The following TANGO2 variants were observed in gnomAD, a reference collection of about 807,000 sequenced individuals.
The protein encoded by TANGO2 is transport and Golgi organization protein 2 homolog.
A neutral mutation model predicts 39.1 loss-of-function variants in TANGO2; 26 were observed. The ratio of observed to expected loss-of-function variants is 0.67; its 90% CI spans 0.49 to 0.92. The LOEUF (loss-of-function observed/expected upper bound fraction) is 0.92, where lower values mean the gene tolerates loss of function less well. Among genes scored for constraint, TANGO2 ranks in the 40% least tolerant of loss-of-function variants. The pLI, the probability that TANGO2 is intolerant of heterozygous loss-of-function variation, is 0.00. For synonymous variants in TANGO2, 131 were observed against 144.5 expected, an observed-to-expected ratio of 0.91 and a Z score of 0.67; for missense variants, 326 against 360.1, an observed-to-expected ratio of 0.91 and a Z score of 0.77.
At chr22:20,059,405 A>G (rs943561641) in intron 6 of TANGO2, among the ~76,000 whole-genome samples, 4 of 152,212 alleles carry the variant, frequency 2.6e-5, no homozygotes, top group Non-Finnish European at 4.4e-5. Flanking sequence ...ATACGTAGGA[A>G]TGGAGTTGTT....
rs2048999655 is a variant in TANGO2 at position 20,064,727 on chromosome 22, G to A, written c.*65G>A. 1 of 1,593,976 alleles carries A rather than the reference G, an allele frequency of 6.3e-7. No homozygotes were observed. The highest frequency in any genetic ancestry group is 1.3e-5 in the African/African-American group (1 of 74,334). On this transcript the variant is annotated 3_prime_UTR_variant, in exon 9 of 9. Coordinates refer to ENST00000327374, the MANE Select transcript of TANGO2 (RefSeq NM_152906.7). ...CTGCCTTGAGGGGCACTGTGGACAGGAAACCTTCCTTTGCCATACTGCATT... is the reference window on the plus strand; with the variant it reads ...CTGCCTTGAGGGGCACTGTGGACAGAAAACCTTCCTTTGCCATACTGCATT...
At position 20,027,890 on chromosome 22, in the gene TANGO2, C is replaced by T. The variant is rs536956212; in HGVS notation, c.-40+6644C>T. Among the ~76,000 whole-genome samples, 5 of 152,348 alleles carry T rather than the reference C, an allele frequency of 3.3e-5. No homozygotes were observed. The East Asian group carries it at 9.6e-4, about 29-fold the overall frequency. ...CTCGGTTCACGGCGCCCTCCGGCTCCTGGGTTCAAGTGATCCTCCTGCCTC... is the reference window on the plus strand; with the variant it reads ...CTCGGTTCACGGCGCCCTCCGGCTCTTGGGTTCAAGTGATCCTCCTGCCTC... On this transcript the variant is annotated intron_variant, in intron 1 of 8. Coordinates refer to ENST00000327374, the MANE Select transcript of TANGO2 (RefSeq NM_152906.7).
In TANGO2 at chr22:20,066,654, A is replaced by G. The variant is rs73389755; in HGVS notation, c.*1992A>G. 0.1 allele frequency among the ~76,000 whole-genome samples: 15,773 copies of G among 152,086 alleles called. 1,587 individuals are homozygous for G. Among genetic ancestry groups the G allele is most frequent in the African/African-American group, 0.26 (10,747 of 41,476 alleles). The stretch of plus-strand genomic sequence containing the variant: ...GCCTGAGGAGAAACTGAGGCCCCAC[A>G]TCCCATACGTGTCCTCTGAGTCAGG... On this transcript the variant is annotated 3_prime_UTR_variant, in exon 9 of 9. Coordinates refer to ENST00000327374, the MANE Select transcript of TANGO2 (RefSeq NM_152906.7).
At chr22:20,020,931 C>G (rs946065631), upstream of TANGO2, 1 of 152,094 alleles carries the variant, frequency 6.6e-6, no homozygotes, top group African/African-American at 2.4e-5. Context: ...AGCTTTGGCG[C>G]AGCCCCGGGG....
chr22:20,017,968 C>T (rs1472889864), upstream of TANGO2, among the ~76,000 whole-genome samples: 1 of 152,206 alleles, frequency 6.6e-6, no homozygotes, highest in Non-Finnish European at 1.5e-5. Flanking sequence ...CCAAGGCCGC[C>T]TGGGGAACCA....
intron 3 of TANGO2, among the ~76,000 whole-genome samples, chr22:20,049,702 G>C (rs919869093): frequency 6.6e-6 from 1 of 151,894 alleles, no homozygotes; most frequent in South Asian, 2.1e-4. Context: ...GGCAATGTGG[G>C]TCTGCCTTCT....
intron 3 of TANGO2, among the ~76,000 whole-genome samples, chr22:20,045,596 C>T (rs1037264244): frequency 1.3e-5 from 2 of 150,344 alleles, no homozygotes; most frequent in East Asian, 2.0e-4. Context: ...CTCCATCTCC[C>T]GGGTTCAAGC....
upstream of TANGO2, among the ~76,000 whole-genome samples, chr22:20,018,672 G>C (rs995492270): frequency 6.6e-6 from 1 of 152,264 alleles, no homozygotes; most frequent in Non-Finnish European, 1.5e-5. Flanking sequence ...GTCTGCCCTC[G>C]GCAGGCAGGA....
chr22:20,025,445 T>C (rs2531718), intron 1 of TANGO2, among the ~76,000 whole-genome samples: 103,155 of 151,808 alleles, frequency 0.68, 36,210 homozygotes, highest in African/African-American at 0.86. Flanking sequence ...GGAAGCATGC[T>C]TACTGGGTGT....
At chr22:20,038,920 A>C (rs985587521) in intron 2 of TANGO2, among the ~76,000 whole-genome samples, 19 of 40,888 alleles carry the variant, frequency 4.6e-4, no homozygotes, top group Non-Finnish European at 8.6e-4. Flanking sequence ...GCTTTAGGCC[A>C]CTATGTTTTT....
chr22:20,056,186 A>G (rs1248940610), intron 6 of TANGO2, 173 bp downstream of exon 6: 1 of 707,380 alleles, frequency 1.4e-6, no homozygotes. Flanking sequence ...CACTTCAGAG[A>G]GCCCTGGCTC....
Position 20,064,693 on chromosome 22 carries a change from TG to T in TANGO2, c.*37del, listed in dbSNP as rs749891667. 1.2e-6 allele frequency: 2 copies of T among 1,612,170 alleles called. No homozygotes were observed. Among genetic ancestry groups the T allele is most frequent in the South Asian group, 1.1e-5 (1 of 90,946 alleles). On this transcript the variant is annotated 3_prime_UTR_variant, in exon 9 of 9. Transcript: ENST00000327374. ...CCTCTGGGCCTGGCCAGTGGGCTCC[TG>T]GGGGGCCCTGCCTTGAGGGGCACTG...
intron 4 of TANGO2, among the ~76,000 whole-genome samples, chr22:20,053,130 C>T (rs2046698859): frequency 6.6e-6 from 1 of 152,106 alleles, no homozygotes; most frequent in Admixed American, 6.5e-5. Context: ...GATGCCTTCC[C>T]CGAGACGACA....
chr22:20,043,246 C>CT (rs2044324254), intron 2 of TANGO2, 109 bp from the exon 3 acceptor site: 1 of 784,088 alleles, frequency 1.3e-6, no homozygotes, highest in East Asian at 2.5e-5. Flanking sequence ...CCTGCCCTCT[C>CT]TGAGACTGGC....
chr22:20,061,036 G>A (rs2048290412), intron 6 of TANGO2: 1 of 152,782 alleles, frequency 6.5e-6, no homozygotes, highest in Non-Finnish European at 1.5e-5. Context: ...ACGCAGAGGT[G>A]GGCCATGCTC....
chr22:20,041,607 C>T (rs544708060), intron 2 of TANGO2, among the ~76,000 whole-genome samples: 21 of 151,972 alleles, frequency 1.4e-4, no homozygotes, highest in Non-Finnish European at 2.5e-4. Context: ...CCACCGGGCC[C>T]GGCCTAATTT....
chr22:20,063,340 A>G lies in TANGO2; in HGVS notation c.608A>G (p.Gln203Arg). The change falls in exon 8 of 9, where the codon CAG (glutamine) becomes CGG (arginine). Residue 203 changes from glutamine (Q) to arginine (R), a missense_variant and splice_region_variant. By Grantham distance (43) the Gln-to-Arg change is conservative. Coordinates refer to ENST00000327374, the MANE Select transcript of TANGO2 (RefSeq NM_152906.7). ...CACCACTTCTCTCCATCCTGCAGGCAGCTGCCAGACCCGGCCATCGAGGAC... is the reference window on the plus strand; with the variant it reads ...CACCACTTCTCTCCATCCTGCAGGCGGCTGCCAGACCCGGCCATCGAGGAC... ...LLDVLNNEEA[Q>R]LPDPAIEDQG... 6.2e-7 allele frequency: 1 copy of G among 1,613,008 alleles called. No individual in the cohort carries two copies. Among genetic ancestry groups the G allele is most frequent in the Non-Finnish European group, 8.5e-7 (1 of 1,179,706 alleles).
At chr22:20,045,160 G>T (rs148132012) in intron 3 of TANGO2, among the ~76,000 whole-genome samples, 2 of 152,200 alleles carry the variant, frequency 1.3e-5, no homozygotes, top group African/African-American at 4.8e-5. Context: ...AATCACCCTG[G>T]GCCGGTGGCT....
At position 20,063,363 on chromosome 22, in the gene TANGO2, G is replaced by C. The variant is rs76585103; in HGVS notation, c.631G>C (p.Asp211His). ...EAQLPDPAIE[D>H]QGGEYVQPML... ...GCAGCTGCCAGACCCGGCCATCGAG[G>C]ACCAGGGTGGGGAGTACGTGCAGCC... Residue 211 changes from aspartate (D) to histidine (H), a missense_variant, in exon 8 of 9, where the codon GAC (aspartate) becomes CAC (histidine). Physicochemically the swap from Asp to His is moderately conservative, Grantham distance 81. Coordinates refer to ENST00000327374, the MANE Select transcript of TANGO2 (RefSeq NM_152906.7). 171 of 1,613,524 alleles carry C rather than the reference G, an allele frequency of 1.1e-4. 1 individual carries two copies. In the African/African-American group the frequency reaches 2.1e-3, roughly 20 times the overall value.
Sources: gnomAD v4.1 joint callset for allele counts (sites outside exome capture counted in the v4.1 genomes callset) on GRCh38, gnomAD v4.1.1 for gene constraint, MANE v1.5 for transcripts, NCBI Gene and HGNC (gene_info 2026-07-23, HGNC 2026-07-21) for gene names.